Variants in RBFOX1 observed in about 807,000 individuals in gnomAD.
RBFOX1 encodes the protein RNA binding fox-1 homolog 1.
RBFOX1 carries 8 observed loss-of-function variants against 57.7 expected under a neutral mutation model. That is an observed-to-expected ratio of 0.14 (90% confidence interval 0.08 to 0.25). RBFOX1 has a LOEUF of 0.25. Among genes scored for constraint, RBFOX1 ranks in the 10% least tolerant of loss-of-function variants. The pLI, the probability that RBFOX1 is intolerant of heterozygous loss-of-function variation, is 1.00. For synonymous variants in RBFOX1, 326 were observed against 222.4 expected (o/e 1.47, Z -4.15); for missense variants, 611 against 548.5 (o/e 1.11, Z -1.14).
At chr16:6,269,604 A>G (rs2074962162) in intron 1 of RBFOX1, among the ~76,000 whole-genome samples, 1 of 152,244 alleles carries the variant, frequency 6.6e-6, no homozygotes, top group Admixed American at 6.5e-5. Flanking sequence ...CTGAAAGAAA[A>G]TACTTGTCAA....
At chr16:5,582,782 T>G (rs2046715168) in intron 2 of RBFOX1, among the ~76,000 whole-genome samples, 1 of 151,946 alleles carries the variant, frequency 6.6e-6, no homozygotes, top group Admixed American at 6.6e-5. Flanking sequence ...CCTGGGAAGT[T>G]CATTGAGGAG....
At chr16:7,382,197 A>T (rs1003082615) in intron 4 of RBFOX1, among the ~76,000 whole-genome samples, 1 of 152,046 alleles carries the variant, frequency 6.6e-6, no homozygotes, top group African/African-American at 2.4e-5. Context: ...CACTATGAAG[A>T]CTCCATTTCA....
intron 3 of RBFOX1, among the ~76,000 whole-genome samples, chr16:6,983,024 G>A (rs139005124): frequency 1.1e-4 from 15 of 141,818 alleles, no homozygotes; most frequent in African/African-American, 3.6e-4. Flanking sequence ...AAAAGGAAAG[G>A]TGTCGAACTG....
chr16:5,770,367 A>G (rs988604505), intron 3 of RBFOX1, among the ~76,000 whole-genome samples: 4 of 152,196 alleles, frequency 2.6e-5, no homozygotes. Flanking sequence ...CATCAGTGAC[A>G]TAAGTTTACA....
At chr16:5,402,266 G>C (rs1338055056) in intron 1 of RBFOX1, among the ~76,000 whole-genome samples, 5 of 152,090 alleles carry the variant, frequency 3.3e-5, no homozygotes, top group Admixed American at 6.5e-5. Flanking sequence ...TAAATACCCA[G>C]AGCTCTCCTC....
chr16:6,417,544 C>A (rs1265002577), intron 2 of RBFOX1, among the ~76,000 whole-genome samples: 1 of 151,204 alleles, frequency 6.6e-6, no homozygotes, highest in African/African-American at 2.4e-5. Flanking sequence ...CGCCCACCAC[C>A]ATGCCTGGCT....
intron 13 of RBFOX1, among the ~76,000 whole-genome samples, chr16:7,675,337 G>A (rs769222514): frequency 7.2e-5 from 11 of 151,920 alleles, no homozygotes; most frequent in Non-Finnish European, 1.6e-4. Context: ...CATAGTATTT[G>A]GAACACCAGG....
At chr16:7,593,978 T>G (rs914675164) in intron 7 of RBFOX1, among the ~76,000 whole-genome samples, 3 of 152,156 alleles carry the variant, frequency 2.0e-5, no homozygotes, top group South Asian at 2.1e-4. Context: ...CAATACTTTT[T>G]TTGTTGTTTT....
chr16:6,927,455 T>G (rs1205385094), intron 3 of RBFOX1, among the ~76,000 whole-genome samples: 1 of 139,972 alleles, frequency 7.1e-6, no homozygotes, highest in Non-Finnish European at 1.5e-5. Flanking sequence ...ACGTCTCGTG[T>G]TAACAGGCTG....
chr16:6,015,632 A>C (rs369617494), upstream of RBFOX1, among the ~76,000 whole-genome samples: 5 of 152,188 alleles, frequency 3.3e-5, no homozygotes, highest in African/African-American at 9.7e-5. Flanking sequence ...TGCTGTTCCT[A>C]GAAGGAGCTA....
At chr16:5,525,671 T>A (rs2044217038) in intron 2 of RBFOX1, among the ~76,000 whole-genome samples, 1 of 152,122 alleles carries the variant, frequency 6.6e-6, no homozygotes, top group East Asian at 1.9e-4. Context: ...TTAATTTTTG[T>A]ATTTTTAGTA....
intron 2 of RBFOX1, among the ~76,000 whole-genome samples, chr16:5,570,348 A>T (rs1282026850): frequency 6.6e-6 from 1 of 152,180 alleles, no homozygotes; most frequent in Non-Finnish European, 1.5e-5. Context: ...AATGATCAAT[A>T]ACCCTATAAG....
At chr16:6,978,111 C>T (rs1367121368) in intron 3 of RBFOX1, among the ~76,000 whole-genome samples, 2 of 150,678 alleles carry the variant, frequency 1.3e-5, no homozygotes, top group South Asian at 2.1e-4. Context: ...ACTTTGCAGG[C>T]TCCAGCCCTG....
chr16:6,213,343 C>A (rs913089777), intron 1 of RBFOX1, among the ~76,000 whole-genome samples: 2 of 152,116 alleles, frequency 1.3e-5, no homozygotes, highest in Non-Finnish European at 2.9e-5. Flanking sequence ...TTAGGAAAGG[C>A]ACCATTTTGG....
chr16:6,767,084 G>A (rs1363248758), intron 3 of RBFOX1, among the ~76,000 whole-genome samples: 1 of 152,008 alleles, frequency 6.6e-6, no homozygotes, highest in Non-Finnish European at 1.5e-5. Flanking sequence ...TCCTCATCCT[G>A]TGGTCCTATA....
At chr16:6,732,675 A>G (rs1398841501) in intron 3 of RBFOX1, among the ~76,000 whole-genome samples, 1 of 152,236 alleles carries the variant, frequency 6.6e-6, no homozygotes, top group Non-Finnish European at 1.5e-5. Context: ...CTTAGCATTT[A>G]CATAGTATGT....
intron 1 of RBFOX1, among the ~76,000 whole-genome samples, chr16:6,253,113 A>G (rs973653941): frequency 1.3e-5 from 2 of 152,124 alleles, no homozygotes; most frequent in South Asian, 2.1e-4. Flanking sequence ...ATCTATCTCT[A>G]TCATACACAC....
intron 4 of RBFOX1, among the ~76,000 whole-genome samples, chr16:7,384,370 A>T (rs1024803373): frequency 2.4e-4 from 37 of 152,182 alleles, no homozygotes; most frequent in Admixed American, 1.2e-3. Flanking sequence ...CTCAGGTGCA[A>T]CAGGCACCTT....
At chr16:5,669,082 T>G (rs1186409239) in intron 3 of RBFOX1, among the ~76,000 whole-genome samples, 3 of 152,144 alleles carry the variant, frequency 2.0e-5, no homozygotes, top group Non-Finnish European at 4.4e-5. Context: ...CCAACAAAGA[T>G]CTCAATTCAA....
Sources: allele counts gnomAD v4.1 joint callset (sites outside exome capture counted in the v4.1 genomes callset), GRCh38; gene constraint gnomAD v4.1.1; transcripts MANE v1.5; gene names NCBI Gene and HGNC (gene_info 2026-07-23, HGNC 2026-07-21).